Variants in INTS10 observed in about 807,000 individuals in gnomAD.
INTS10 encodes integrator complex subunit 10.
Under a neutral mutation model 94.4 loss-of-function variants are expected in INTS10, and 44 were observed. The observed-to-expected ratio is 0.47, with a 90% CI of 0.37 to 0.60. The LOEUF is 0.60. Ranked by LOEUF, INTS10 falls within the 20% of genes least tolerant of loss-of-function variation. INTS10 has a pLI of 0.00. For synonymous variants in INTS10, 341 were observed against 320.7 expected (o/e 1.06, Z -0.68); for missense variants, 797 against 868.7 (o/e 0.92, Z 1.04).
At chr8:19,839,171 A>G (rs994777727) in intron 13 of INTS10, among the ~76,000 whole-genome samples, 5 of 152,202 alleles carry the variant, frequency 3.3e-5, no homozygotes, top group African/African-American at 9.7e-5. Context: ...ACAGAATTCA[A>G]TATCAGTTCA....
In INTS10 at chr8:19,842,888, C is replaced by G; in HGVS notation, c.1680C>G (p.Ile560Met). The G allele has an allele frequency of 6.2e-7, 1 of 1,613,002 alleles. No individual in the cohort carries two copies. The highest frequency in any genetic ancestry group is 1.1e-5 in the South Asian group (1 of 91,040). ...TCCTGCCTTGTACCAGCAAGGCTATCATGCCATACTGCCTCCATTTAATGT... is the reference window on the plus strand; with the variant it reads ...TCCTGCCTTGTACCAGCAAGGCTATGATGCCATACTGCCTCCATTTAATGT... ...LKLLPCTSKA[I>M]MPYCLHLMLA... is the part of the protein sequence containing the mutation. The change falls in exon 14 of 17, where the codon ATC (isoleucine) becomes ATG (methionine). Residue 560 changes from isoleucine to methionine, a missense_variant. Physicochemically the swap from Ile to Met is conservative, Grantham distance 10. Transcript: ENST00000397977.
In INTS10 at chr8:19,824,808, A is replaced by T; in HGVS notation, c.842A>T (p.Tyr281Phe). 1 of 1,604,534 alleles carries T rather than the reference A, an allele frequency of 6.2e-7. No homozygotes were observed. The highest frequency in any genetic ancestry group is 2.2e-5 in the East Asian group (1 of 44,770). Residue 281 changes from tyrosine (Y) to phenylalanine (F), a missense_variant, in exon 8 of 17, where the codon TAT becomes TTT. Physicochemically the swap from Tyr to Phe is conservative, Grantham distance 22. Coordinates refer to ENST00000397977, the MANE Select transcript of INTS10 (RefSeq NM_018142.4). ...EWQMDKGRRSYGDILHRMKDL... is the reference protein window; with the variant it reads ...EWQMDKGRRSFGDILHRMKDL... The stretch of plus-strand genomic sequence containing the variant: ...CATCATTCCTTCCTTTTTAGAAGCT[A>T]TGGAGATATTTTGCATAGAATGAAG...
intron 7 of INTS10, 24 bp from the exon 8 acceptor site, chr8:19,824,779 G>C: frequency 6.4e-7 from 1 of 1,571,420 alleles, no homozygotes; most frequent in Non-Finnish European, 8.7e-7. Context: ...AATCAAATAA[G>C]TTTCATCATT....
chr8:19,840,999 C>A (rs887613028), intron 13 of INTS10, among the ~76,000 whole-genome samples: 7 of 152,248 alleles, frequency 4.6e-5, no homozygotes, highest in Admixed American at 3.9e-4. Flanking sequence ...ATAGGACTGA[C>A]CTAGCTGACT....
At chr8:19,833,141 C>A in intron 11 of INTS10, 28 bp from the exon 12 acceptor site, 1 of 1,498,280 alleles carries the variant, frequency 6.7e-7, no homozygotes, top group Non-Finnish European at 8.9e-7. Flanking sequence ...CGATGCTTTT[C>A]CCCTCCTTGC....
intron 10 of INTS10, among the ~76,000 whole-genome samples, chr8:19,831,062 G>C (rs964585662): frequency 6.6e-6 from 1 of 152,086 alleles, no homozygotes; most frequent in African/African-American, 2.4e-5. Flanking sequence ...GAGTATACTG[G>C]GTATTTTGAC....
intron 3 of INTS10, 115 bp from the exon 4 acceptor site, chr8:19,820,264 T>C (rs2066267079): frequency 1.5e-5 from 15 of 970,112 alleles, no homozygotes; most frequent in South Asian, 2.5e-5. Context: ...CTTAACTGCA[T>C]TGATTTCACA....
chr8:19,819,758 G>T, intron 3 of INTS10, 82 bp downstream of exon 3: 1 of 987,526 alleles, frequency 1.0e-6, no homozygotes, highest in Non-Finnish European at 1.6e-6. Flanking sequence ...AGTCACACCT[G>T]GGGTATTGGT....
At chr8:19,850,281 C>T (rs1021319602) in intron 16 of INTS10, among the ~76,000 whole-genome samples, 3 of 152,160 alleles carry the variant, frequency 2.0e-5, no homozygotes, top group African/African-American at 7.2e-5. Flanking sequence ...TATCTCAGGG[C>T]AGCATAAATG....
intron 12 of INTS10, among the ~76,000 whole-genome samples, chr8:19,833,762 C>G (rs926083688): frequency 1.3e-5 from 2 of 152,020 alleles, no homozygotes; most frequent in African/African-American, 4.8e-5. Context: ...AATCCCAGGA[C>G]TTTGGGAGGC....
chr8:19,850,324 G>A (rs2068925844), intron 16 of INTS10, among the ~76,000 whole-genome samples: 1 of 152,074 alleles, frequency 6.6e-6, no homozygotes, highest in South Asian at 2.1e-4. Flanking sequence ...CCTCACCGAT[G>A]CTATGTCCTA....
Position 19,817,541 on chromosome 8 carries a change from T to C in INTS10, c.4T>C (p.Ser2Pro). The C allele has an allele frequency of 6.2e-7, 1 of 1,607,288 alleles. No homozygotes were observed. Among genetic ancestry groups the C allele is most frequent in the Non-Finnish European group, 8.5e-7 (1 of 1,178,060 alleles). Residue 2 changes from serine to proline, a missense_variant, in exon 1 of 17, where the codon TCT becomes CCT. Around this residue, in one of 3 missense-constraint regions of INTS10, gnomAD observed 734 missense variants for 787.8 expected, o/e 0.93. Coordinates refer to ENST00000397977, the MANE Select transcript of INTS10 (RefSeq NM_018142.4). Reference protein sequence around the residue: MSAQGDCEFLVQ... With the variant: MPAQGDCEFLVQ... The stretch of plus-strand genomic sequence containing the variant: ...GCGGCTGGAGAGCGCTCGGGTCATG[T>C]CTGCCCAGGGGGACTGCGAGTTCCT...
At chr8:19,847,800 T>C (rs2068703781) in intron 16 of INTS10, among the ~76,000 whole-genome samples, 1 of 152,178 alleles carries the variant, frequency 6.6e-6, no homozygotes, top group Admixed American at 6.5e-5. Flanking sequence ...GAGTGTTGGG[T>C]ACCAGCTAGT....
chr8:19,829,183 G>T (rs891105123), intron 9 of INTS10, among the ~76,000 whole-genome samples: 3 of 151,992 alleles, frequency 2.0e-5, no homozygotes. Flanking sequence ...TGTGCACAAC[G>T]TGCAGGTTTG....
In INTS10 at chr8:19,851,526, T is replaced by C; in HGVS notation, c.1977-123T>C. On this transcript the variant is annotated intron_variant, in intron 16 of 16. Coordinates refer to ENST00000397977, the MANE Select transcript of INTS10 (RefSeq NM_018142.4). The surrounding 1 kb of genome is among the most constrained non-coding windows in gnomAD (Gnocchi z 5.0). ...GTTGGTTGCAGCTATTCTTGTGTTCTTTTTAAAATATCTGAAATTATACTT... is the reference window on the plus strand; with the variant it reads ...GTTGGTTGCAGCTATTCTTGTGTTCCTTTTAAAATATCTGAAATTATACTT... The C allele has an allele frequency of 1.1e-6, 1 of 901,466 alleles. No homozygotes were observed. Among genetic ancestry groups the C allele is most frequent in the Non-Finnish European group, 1.7e-6 (1 of 580,982 alleles). 55.8% of individuals were successfully genotyped at this position (901,466 alleles called of 1,614,324 possible).
At chr8:19,827,456 C>G (rs1399674179) in intron 9 of INTS10, among the ~76,000 whole-genome samples, 2 of 152,194 alleles carry the variant, frequency 1.3e-5, no homozygotes, top group African/African-American at 4.8e-5. Flanking sequence ...GGTTTACTGT[C>G]TCTGTCCCTC....
chr8:19,844,762 G>A (rs1190730737), intron 15 of INTS10, among the ~76,000 whole-genome samples: 2 of 152,152 alleles, frequency 1.3e-5, no homozygotes, highest in Admixed American at 6.5e-5. Context: ...GCTTATTAGG[G>A]AAAGACCTTT....
In INTS10 at chr8:19,830,428, C is replaced by G. The variant is rs201728325; in HGVS notation, c.1163C>G (p.Ser388Trp). Residue 388 changes from serine to tryptophan, a missense_variant, in exon 10 of 17, where the codon TCG becomes TGG. By Grantham distance (177) the Ser-to-Trp change is radical. Around this residue, in one of 3 missense-constraint regions of INTS10, gnomAD observed 734 missense variants for 787.8 expected, o/e 0.93. Coordinates refer to ENST00000397977, the MANE Select transcript of INTS10 (RefSeq NM_018142.4). ...KTMSSDDEDC[S>W]AKGRNRHIVV... is the part of the protein sequence containing the mutation. ...CAGAGTTCAGACGATGAAGACTGTTCGGCGAAAGGAAGAAATCGTCACATT... is the reference window on the plus strand; with the variant it reads ...CAGAGTTCAGACGATGAAGACTGTTGGGCGAAAGGAAGAAATCGTCACATT... The G allele has an allele frequency of 3.6e-5, 58 of 1,613,624 alleles. No homozygotes were observed. Among genetic ancestry groups the G allele is most frequent in the Non-Finnish European group, 4.5e-5 (53 of 1,179,834 alleles).
At chr8:19,824,508 A>G (rs1157061806) in intron 7 of INTS10, 3 of 267,502 alleles carry the variant, frequency 1.1e-5, no homozygotes, top group Non-Finnish European at 1.4e-5. Context: ...AGAAAAAAAA[A>G]AAGAAAAACA....
Sources: allele counts gnomAD v4.1 joint callset (sites outside exome capture counted in the v4.1 genomes callset), GRCh38; gene constraint gnomAD v4.1.1; regional missense constraint gnomAD v4.1.1; non-coding constraint Gnocchi (gnomAD v3.1); transcripts MANE v1.5; gene names NCBI Gene and HGNC (gene_info 2026-07-23, HGNC 2026-07-21).